Variants in GALNTL6 observed in about 807,000 individuals in gnomAD.
GALNTL6 encodes polypeptide N-acetylgalactosaminyltransferase-like 6.
Under a neutral mutation model 73.7 loss-of-function variants are expected in GALNTL6, and 46 were observed. That is an observed-to-expected ratio of 0.62 (90% CI 0.49 to 0.80). The LOEUF (loss-of-function observed/expected upper bound fraction) is 0.80, where lower values mean the gene tolerates loss of function less well. Among genes scored for constraint, GALNTL6 ranks in the 30% least tolerant of loss-of-function variants. The pLI is 0.00. For synonymous variants in GALNTL6, 259 were observed against 263.7 expected, an observed-to-expected ratio of 0.98 and a Z score of 0.17; for missense variants, 604 against 755.0, an observed-to-expected ratio of 0.80 and a Z score of 2.34.
At chr4:173,031,829 C>T (rs938792177) in intron 12 of GALNTL6, among the ~76,000 whole-genome samples, 8 of 152,062 alleles carry the variant, frequency 5.3e-5, no homozygotes, top group African/African-American at 1.7e-4. Flanking sequence ...AGAGGGGAAG[C>T]GGACAAATAC....
chr4:171,949,043 C>T (rs951162168), intron 2 of GALNTL6, among the ~76,000 whole-genome samples: 2 of 151,940 alleles, frequency 1.3e-5, no homozygotes, highest in African/African-American at 2.4e-5. Flanking sequence ...ATTCAGAGTG[C>T]GTCCAAAAAG....
chr4:172,609,623 C>CTGTGTGTGTGTG (rs1414167008), intron 5 of GALNTL6, among the ~76,000 whole-genome samples: 30 of 92,620 alleles, frequency 3.2e-4, no homozygotes, highest in East Asian at 6.1e-4. Flanking sequence ...CTCTCTCTCT[C>CTGTGTGTGTGTG]TCTGTGTGTG....
intron 4 of GALNTL6, among the ~76,000 whole-genome samples, chr4:172,338,625 C>G (rs1229648935): frequency 6.6e-6 from 1 of 152,148 alleles, no homozygotes; most frequent in Non-Finnish European, 1.5e-5. Context: ...TAAAAGCCAG[C>G]TGTGGCCAAT....
At chr4:171,891,191 G>A (rs138336658) in intron 2 of GALNTL6, among the ~76,000 whole-genome samples, 9 of 152,308 alleles carry the variant, frequency 5.9e-5, no homozygotes, top group African/African-American at 1.9e-4. Context: ...CTACTTTAGA[G>A]AGTGAAGTCA....
At chr4:172,815,231 T>C (rs1741533424) in intron 7 of GALNTL6, among the ~76,000 whole-genome samples, 1 of 152,144 alleles carries the variant, frequency 6.6e-6, no homozygotes, top group South Asian at 2.1e-4. Flanking sequence ...TTTCAAAACA[T>C]CATGTTGTAC....
intron 2 of GALNTL6, among the ~76,000 whole-genome samples, chr4:172,174,443 A>G (rs1434320007): frequency 6.6e-6 from 1 of 152,010 alleles, no homozygotes; most frequent in East Asian, 1.9e-4. Flanking sequence ...GCACTGCATG[A>G]TTCTGGCTTC....
chr4:172,041,194 T>G (rs1265453121), intron 2 of GALNTL6, among the ~76,000 whole-genome samples: 1 of 152,070 alleles, frequency 6.6e-6, no homozygotes, highest in Non-Finnish European at 1.5e-5. Flanking sequence ...TCCCTATGAA[T>G]CAGAACTTTG....
intron 2 of GALNTL6, among the ~76,000 whole-genome samples, chr4:172,187,658 G>A (rs776997520): frequency 9.2e-5 from 14 of 151,982 alleles, no homozygotes; most frequent in Non-Finnish European, 1.8e-4. Context: ...ATTTTTAGGG[G>A]CTAAAAGTTC....
At chr4:172,526,839 CT>C (rs1734975325) in intron 5 of GALNTL6, among the ~76,000 whole-genome samples, 1 of 151,550 alleles carries the variant, frequency 6.6e-6, no homozygotes, top group Non-Finnish European at 1.5e-5. Context: ...CCCACCCCCC[CT>C]GCCCTGACCT....
At chr4:172,196,503 CT>C (rs1735776425) in intron 2 of GALNTL6, among the ~76,000 whole-genome samples, 1 of 152,054 alleles carries the variant, frequency 6.6e-6, no homozygotes, top group Non-Finnish European at 1.5e-5. Flanking sequence ...AAAAAGAAAA[CT>C]TCAGGCCAAT....
intron 5 of GALNTL6, among the ~76,000 whole-genome samples, chr4:172,758,492 C>A (rs971401560): frequency 6.6e-6 from 1 of 152,278 alleles, no homozygotes; most frequent in East Asian, 1.9e-4. Context: ...TCAGAGATCA[C>A]GCCCCTGCAC....
At chr4:172,804,062 T>C (rs765182932) in intron 5 of GALNTL6, among the ~76,000 whole-genome samples, 2 of 152,224 alleles carry the variant, frequency 1.3e-5, no homozygotes, top group Non-Finnish European at 1.5e-5. Flanking sequence ...AATGTCTTTA[T>C]AGGCCTGCTA....
chr4:172,115,258 T>A (rs1732955388), intron 2 of GALNTL6, among the ~76,000 whole-genome samples: 1 of 152,140 alleles, frequency 6.6e-6, no homozygotes, highest in Admixed American at 6.6e-5. Flanking sequence ...AGTGTAATAC[T>A]GATGACAGCT....
intron 4 of GALNTL6, among the ~76,000 whole-genome samples, chr4:172,313,411 C>T (rs947706404): frequency 6.6e-5 from 10 of 152,124 alleles, no homozygotes; most frequent in South Asian, 2.1e-4. Context: ...GCTGAGCCAC[C>T]GTGCCCGGTC....
intron 2 of GALNTL6, among the ~76,000 whole-genome samples, chr4:172,219,223 A>ATATATATATATATATATATAT (rs56923371): frequency 2.4e-3 from 343 of 141,682 alleles, no homozygotes; most frequent in African/African-American, 2.9e-3. Flanking sequence ...ATATATATAT[A>ATATATATATATATATATATAT]ATCCTTCTGT....
chr4:172,719,123 A>C (rs1735296313), intron 5 of GALNTL6, among the ~76,000 whole-genome samples: 1 of 152,312 alleles, frequency 6.6e-6, no homozygotes, highest in East Asian at 1.9e-4. Context: ...TATACATTTA[A>C]GTTATAGTTG....
At chr4:172,037,100 T>G (rs1741948577) in intron 2 of GALNTL6, among the ~76,000 whole-genome samples, 1 of 152,142 alleles carries the variant, frequency 6.6e-6, no homozygotes, top group African/African-American at 2.4e-5. Context: ...TATGTATACA[T>G]AAATTTAAAA....
At chr4:172,304,195 C>G (rs1442993156) in intron 3 of GALNTL6, among the ~76,000 whole-genome samples, 1 of 152,128 alleles carries the variant, frequency 6.6e-6, no homozygotes, top group Non-Finnish European at 1.5e-5. Context: ...ACATGAATAA[C>G]TTTCTTCATT....
chr4:172,083,435 G>A (rs1037718976), intron 2 of GALNTL6, among the ~76,000 whole-genome samples: 1 of 152,180 alleles, frequency 6.6e-6, no homozygotes, highest in African/African-American at 2.4e-5. Flanking sequence ...TGCTGATTTA[G>A]CTCAAGATTA....
Sources: gnomAD v4.1 joint callset for allele counts (sites outside exome capture counted in the v4.1 genomes callset) on GRCh38, gnomAD v4.1.1 for gene constraint, MANE v1.5 for transcripts, NCBI Gene and HGNC (gene_info 2026-07-23, HGNC 2026-07-21) for gene names.